The following ACOXL variants were observed in gnomAD, a reference collection of about 807,000 sequenced individuals.
ACOXL encodes acyl-CoA oxidase like.
Under a neutral mutation model 71.9 loss-of-function variants are expected in ACOXL, and 70 were observed. The observed-to-expected ratio is 0.97, with a 90% confidence interval of 0.80 to 1.19. The LOEUF (loss-of-function observed/expected upper bound fraction) is 1.19, where lower values mean the gene tolerates loss of function less well. Among genes scored for constraint, ACOXL ranks in the 50% most tolerant of loss-of-function variants. The probability of loss-of-function intolerance (pLI) is 0.00; values close to 1 mark genes in which losing one functional copy is unlikely to be tolerated. For synonymous variants in ACOXL, 253 were observed against 281.6 expected, an observed-to-expected ratio of 0.90 and a Z score of 1.02; for missense variants, 703 against 736.3, an observed-to-expected ratio of 0.95 and a Z score of 0.52.
intron 14 of ACOXL, among the ~76,000 whole-genome samples, chr2:111,014,123 A>G (rs1259505956): frequency 2.6e-5 from 4 of 152,172 alleles, no homozygotes; most frequent in Admixed American, 2.6e-4. Context: ...AGCTAACCTC[A>G]TACCTAATAG....
chr2:111,042,568 A>G (rs2065834736), intron 15 of ACOXL, among the ~76,000 whole-genome samples: 2 of 152,194 alleles, frequency 1.3e-5, no homozygotes, highest in African/African-American at 2.4e-5. Context: ...TGAACAGGGA[A>G]TGACAAGGGG....
chr2:110,826,317 T>C (rs1689156238), intron 9 of ACOXL, among the ~76,000 whole-genome samples: 1 of 152,222 alleles, frequency 6.6e-6, no homozygotes, highest in Non-Finnish European at 1.5e-5. Context: ...GCCTGCAAGA[T>C]GCCAATCCCA....
At chr2:110,766,502 G>T (rs1681087925) in intron 1 of ACOXL, among the ~76,000 whole-genome samples, 1 of 152,166 alleles carries the variant, frequency 6.6e-6, no homozygotes, top group South Asian at 2.1e-4. Context: ...GGGCTGAGCT[G>T]CCATCAGGAA....
At chr2:111,053,239 TCTC>T (rs1224429210) in intron 16 of ACOXL, among the ~76,000 whole-genome samples, 1 of 152,206 alleles carries the variant, frequency 6.6e-6, no homozygotes, top group Non-Finnish European at 1.5e-5. Flanking sequence ...CACTCGTCTC[TCTC>T]CTCCAGGCGC....
At chr2:110,768,513 T>TGTGTGTGAGAGAGA (rs397975396) in intron 2 of ACOXL, 49 bp downstream of exon 2, 435 of 929,150 alleles carry the variant, frequency 4.7e-4, no homozygotes, top group South Asian at 1.2e-3. Context: ...TGTGTGTGTG[T>TGTGTGTGAGAGAGA]GAGAGAGAGA....
At chr2:110,908,992 C>A in intron 11 of ACOXL, 87 bp downstream of exon 11, 1 of 964,240 alleles carries the variant, frequency 1.0e-6, no homozygotes, top group Non-Finnish European at 1.6e-6. Flanking sequence ...CACAGGATGT[C>A]ATTTTCTAAC....
intron 16 of ACOXL, among the ~76,000 whole-genome samples, chr2:111,076,455 C>T (rs1377845381): frequency 6.6e-6 from 1 of 151,716 alleles, no homozygotes; most frequent in Non-Finnish European, 1.5e-5. Flanking sequence ...ATTTTTTGTC[C>T]TTTTAGTTTT....
At chr2:110,860,643 G>C (rs573748902) in intron 10 of ACOXL, among the ~76,000 whole-genome samples, 1 of 152,312 alleles carries the variant, frequency 6.6e-6, no homozygotes, top group South Asian at 2.1e-4. Context: ...ATGAATCTTG[G>C]TGCAGAAGAT....
chr2:110,832,253 A>G (rs1689917612), intron 9 of ACOXL, among the ~76,000 whole-genome samples: 1 of 152,204 alleles, frequency 6.6e-6, no homozygotes, highest in African/African-American at 2.4e-5. Flanking sequence ...AGAACAAACT[A>G]GTAGGCCGGG....
chr2:111,077,760 C>T (rs2067674439), intron 16 of ACOXL, among the ~76,000 whole-genome samples: 1 of 152,166 alleles, frequency 6.6e-6, no homozygotes, highest in South Asian at 2.1e-4. Flanking sequence ...TCTACAGTTT[C>T]TGATGAGAAA....
chr2:111,083,570 T>G (rs1003023960), intron 16 of ACOXL, among the ~76,000 whole-genome samples: 4 of 152,070 alleles, frequency 2.6e-5, no homozygotes, highest in African/African-American at 9.6e-5. Context: ...TTTTGTTTTT[T>G]TTTTTGAATA....
At chr2:111,043,139 C>T (rs984931604) in intron 15 of ACOXL, among the ~76,000 whole-genome samples, 1 of 152,206 alleles carries the variant, frequency 6.6e-6, no homozygotes, top group East Asian at 1.9e-4. Context: ...GTGTCATGCT[C>T]TGCCGCTCTC....
intron 17 of ACOXL, among the ~76,000 whole-genome samples, chr2:111,103,467 C>T (rs1196718570): frequency 1.3e-5 from 2 of 152,254 alleles, no homozygotes; most frequent in East Asian, 3.9e-4. Context: ...TCATTCACAT[C>T]ACAGATTGTG....
intron 11 of ACOXL, among the ~76,000 whole-genome samples, chr2:110,923,080 A>T (rs1574136922): frequency 6.6e-6 from 1 of 152,136 alleles, no homozygotes; most frequent in South Asian, 2.1e-4. Flanking sequence ...AAATCTGGTC[A>T]TAGGAATCTC....
intron 1 of ACOXL, among the ~76,000 whole-genome samples, chr2:110,760,221 G>T (rs1470610860): frequency 6.6e-6 from 1 of 150,958 alleles, no homozygotes; most frequent in African/African-American, 2.4e-5. Context: ...CTCACTGCAA[G>T]CTCCACCTCT....
intron 10 of ACOXL, among the ~76,000 whole-genome samples, chr2:110,906,233 A>G (rs1420559711): frequency 1.3e-5 from 2 of 152,030 alleles, no homozygotes; most frequent in Non-Finnish European, 2.9e-5. Flanking sequence ...TTTTGATGAG[A>G]TGCTGTTTAA....
chr2:110,862,166 C>A (rs1411057774), intron 10 of ACOXL, among the ~76,000 whole-genome samples: 1 of 152,186 alleles, frequency 6.6e-6, no homozygotes, highest in East Asian at 1.9e-4. Flanking sequence ...CTCCCAGTCC[C>A]CACAGCCAAG....
In ACOXL at chr2:110,852,185, ATT is replaced by A. The variant is rs1212166075; in HGVS notation, c.788+10781_788+10782del. ...TAGAGCCCATTGCTGACTTCTGTATATTCCCTTGACTGGCACCGTGTCGCCCT... is the reference window on the plus strand; with the variant it reads ...TAGAGCCCATTGCTGACTTCTGTATACCCTTGACTGGCACCGTGTCGCCCT... On this transcript the variant is annotated intron_variant, in intron 10 of 17. Transcript: ENST00000439055. Among the ~76,000 whole-genome samples the A allele has an allele frequency of 2.0e-5, 3 of 152,142 alleles. No individual in the cohort carries two copies. The South Asian group carries it at 6.2e-4, about 32-fold the overall frequency.
intron 10 of ACOXL, among the ~76,000 whole-genome samples, chr2:110,883,195 C>A (rs1558669475): frequency 6.7e-6 from 1 of 149,994 alleles, no homozygotes; most frequent in Non-Finnish European, 1.5e-5. Flanking sequence ...TTGCAAACTC[C>A]ACTTCCTGGG....
Sources: allele counts gnomAD v4.1 joint callset (sites outside exome capture counted in the v4.1 genomes callset), GRCh38; gene constraint gnomAD v4.1.1; transcripts MANE v1.5; gene names NCBI Gene and HGNC (gene_info 2026-07-23, HGNC 2026-07-21).